TK2: variants seen among roughly 807,000 people sequenced by gnomAD.
TK2 encodes the protein thymidine kinase 2.
TK2 carries 35 observed loss-of-function variants against 41.9 expected under a neutral mutation model. The observed-to-expected ratio is 0.84, with a 90% CI of 0.64 to 1.11. TK2 has a LOEUF of 1.11. TK2 is among the 50% of genes least tolerant of loss of function. TK2 has a pLI of 0.00. For missense variants in TK2, 320 were observed against 351.1 expected (o/e 0.91, Z 0.71); for synonymous variants, 128 against 129.1 (o/e 0.99, Z 0.06).
intron 4 of TK2, among the ~76,000 whole-genome samples, chr16:66,535,015 G>C (rs1965231588): frequency 6.6e-6 from 1 of 151,940 alleles, no homozygotes. Flanking sequence ...TTTTTCTCTT[G>C]GTGCAAACTA....
At chr16:66,538,959 T>C (rs755773632) in intron 3 of TK2, among the ~76,000 whole-genome samples, 1 of 152,158 alleles carries the variant, frequency 6.6e-6, no homozygotes, top group African/African-American at 2.4e-5. Flanking sequence ...CATTAGGCCA[T>C]GGTTTCCTCA....
At chr16:66,527,116 C>G (rs1342102890) in intron 6 of TK2, among the ~76,000 whole-genome samples, 3 of 152,234 alleles carry the variant, frequency 2.0e-5, no homozygotes, top group African/African-American at 7.2e-5. Context: ...CTGGATAAAC[C>G]TAGCAGTGGA....
intron 8 of TK2, among the ~76,000 whole-genome samples, chr16:66,516,186 G>A (rs1221703191): frequency 6.6e-6 from 1 of 151,986 alleles, no homozygotes; most frequent in East Asian, 1.9e-4. Flanking sequence ...GCCAGGGGGT[G>A]GGTTTGGGGG....
At chr16:66,527,594 G>A (rs533423680) in intron 6 of TK2, among the ~76,000 whole-genome samples, 34 of 152,336 alleles carry the variant, frequency 2.2e-4, no homozygotes, top group Non-Finnish European at 4.3e-4. Flanking sequence ...TATGGTCCGG[G>A]GGGGTGGGTG....
chr16:66,525,055 T>A (rs1020333457), intron 6 of TK2: 1 of 152,300 alleles, frequency 6.6e-6, no homozygotes, highest in Admixed American at 6.5e-5. Context: ...CTCAGTTCCT[T>A]ATCTGCCCAA....
intron 6 of TK2, among the ~76,000 whole-genome samples, chr16:66,528,183 T>A (rs1289165861): frequency 6.6e-6 from 1 of 152,044 alleles, no homozygotes; most frequent in Non-Finnish European, 1.5e-5. Context: ...AGCGTTGACA[T>A]CCGAACAGCT....
intron 6 of TK2, among the ~76,000 whole-genome samples, chr16:66,527,056 C>T (rs867462280): frequency 4.6e-5 from 7 of 152,338 alleles, no homozygotes; most frequent in Middle Eastern, 3.4e-3. Context: ...TCCTGCCTGT[C>T]CTCCCTCTGG....
chr16:66,550,089 G>C lies in TK2; in HGVS notation c.-28C>G, dbSNP rs751302457. On this transcript the variant is annotated 5_prime_UTR_variant, in exon 1 of 10. Coordinates refer to ENST00000544898, the MANE Select transcript of TK2 (RefSeq NM_004614.5). ...CCGGGCGAGCGGATCCAGAGGCCCG[G>C]GGTTCCTTCTTGTGCGAGTCGGCGC... The C allele has an allele frequency of 3.1e-6, 5 of 1,604,482 alleles. No homozygotes were observed. The highest frequency in any genetic ancestry group is 3.4e-5 in the Admixed American group (2 of 58,394).
intron 6 of TK2, among the ~76,000 whole-genome samples, chr16:66,527,418 A>C (rs1045603176): frequency 2.0e-5 from 3 of 152,154 alleles, no homozygotes; most frequent in Non-Finnish European, 4.4e-5. Flanking sequence ...TGAAAGGTGC[A>C]AAACAGTGGG....
intron 6 of TK2, among the ~76,000 whole-genome samples, chr16:66,528,130 T>G (rs578198763): frequency 6.6e-6 from 1 of 152,126 alleles, no homozygotes; most frequent in South Asian, 2.1e-4. Context: ...CAGGGTGGCA[T>G]TTAGGAAGAC....
intron 4 of TK2, among the ~76,000 whole-genome samples, chr16:66,535,239 TA>T (rs1965239785): frequency 6.6e-6 from 1 of 152,216 alleles, no homozygotes; most frequent in Non-Finnish European, 1.5e-5. Flanking sequence ...GAAACTTATA[TA>T]AAAATGGCTA....
chr16:66,543,595 C>G (rs1965520526), intron 2 of TK2, among the ~76,000 whole-genome samples: 1 of 152,170 alleles, frequency 6.6e-6, no homozygotes, highest in Non-Finnish European at 1.5e-5. Flanking sequence ...CTGGAAGCAC[C>G]CAGAGAAACC....
chr16:66,541,341 T>C (rs932119613), intron 3 of TK2, among the ~76,000 whole-genome samples: 8 of 152,256 alleles, frequency 5.3e-5, no homozygotes, highest in Non-Finnish European at 1.2e-4. Flanking sequence ...AATAGCTCAT[T>C]GATGATTTTT....
At chr16:66,536,028 AC>A (rs1965266189) in intron 4 of TK2, among the ~76,000 whole-genome samples, 1 of 151,994 alleles carries the variant, frequency 6.6e-6, no homozygotes, top group African/African-American at 2.4e-5. Flanking sequence ...ACATGGTAAA[AC>A]CCTGTCTCTA....
chr16:66,513,903 G>C (rs1487543961), intron 8 of TK2, 92 bp from the exon 9 acceptor site: 1 of 1,109,790 alleles, frequency 9.0e-7, no homozygotes, highest in Non-Finnish European at 1.4e-6. Flanking sequence ...AGTAGTCAAT[G>C]ACCATGGGCA....
Position 66,528,972 on chromosome 16 carries a change from TCAA to T in TK2, c.449+19_449+21del. On this transcript the variant is annotated intron_variant, in intron 6 of 9. Transcript: ENST00000544898. ...GAAAAATTAGTGGTTTAATAAATTA[TCAA>T]CTATTCAAACTACAGTACCTTCTAT... 6.2e-7 allele frequency: 1 copy of T among 1,608,288 alleles called. No homozygotes were observed.
intron 9 of TK2, among the ~76,000 whole-genome samples, chr16:66,512,506 G>C (rs925299031): frequency 3.3e-5 from 5 of 152,204 alleles, no homozygotes; most frequent in Non-Finnish European, 7.3e-5. Context: ...AGTAGGCCGG[G>C]TGCAGTGGCT....
chr16:66,530,044 C>T lies in TK2; in HGVS notation c.376-977G>A, dbSNP rs1965061533. Among the ~76,000 whole-genome samples the T allele has an allele frequency of 2.0e-5, 3 of 152,192 alleles. No homozygotes were observed. In the South Asian group the frequency reaches 6.2e-4, roughly 32 times the overall value. Reference sequence around the variant, plus strand: ...ACAACTTAGGTTTGCAATTGAGTGCCTGCTCAGGAAAAGCAAATTAGCAAA... The same window carrying T: ...ACAACTTAGGTTTGCAATTGAGTGCTTGCTCAGGAAAAGCAAATTAGCAAA... On this transcript the variant is annotated intron_variant, in intron 5 of 9. Coordinates refer to ENST00000544898, the MANE Select transcript of TK2 (RefSeq NM_004614.5).
intron 8 of TK2, among the ~76,000 whole-genome samples, chr16:66,515,623 T>C (rs538956040): frequency 1.3e-5 from 2 of 152,350 alleles, no homozygotes; most frequent in African/African-American, 2.4e-5. Flanking sequence ...ATGTGTCCCA[T>C]GGACCTGGTC....
Sources: gnomAD v4.1 joint callset for allele counts (sites outside exome capture counted in the v4.1 genomes callset) on GRCh38, gnomAD v4.1.1 for gene constraint, MANE v1.5 for transcripts, NCBI Gene and HGNC (gene_info 2026-07-23, HGNC 2026-07-21) for gene names.